The following LRIF1 variants were observed in gnomAD, a reference collection of about 807,000 sequenced individuals.
The protein encoded by LRIF1 is ligand-dependent nuclear receptor-interacting factor 1.
LRIF1 carries 32 observed loss-of-function variants against 52.7 expected under a neutral mutation model. The observed-to-expected ratio is 0.61, with a 90% CI of 0.46 to 0.82. LRIF1 has a LOEUF of 0.82. Among genes scored for constraint, LRIF1 ranks in the 40% least tolerant of loss-of-function variants. The probability of loss-of-function intolerance (pLI) is 0.00; values close to 1 mark genes in which losing one functional copy is unlikely to be tolerated. For missense variants in LRIF1, 887 were observed against 892.0 expected, an observed-to-expected ratio of 0.99 and a Z score of 0.07; for synonymous variants, 323 against 317.4, an observed-to-expected ratio of 1.02 and a Z score of -0.19.
rs773312467 is a variant in LRIF1 at position 110,951,660 on chromosome 1, G to A, written c.1224C>T (p.Ser408=). The change falls in exon 2 of 4, where the codon TCC becomes TCT. Residue 408 remains serine, a synonymous_variant. Coordinates refer to ENST00000369763, the MANE Select transcript of LRIF1 (RefSeq NM_018372.4). ...TVSSSPVTEI[S]REVVNIVLAK... ...CCAAAACAATATTTACAACCTCTCTGGATATTTCTGTGACTGGACTTGAAC... is the reference window on the plus strand; with the variant it reads ...CCAAAACAATATTTACAACCTCTCTAGATATTTCTGTGACTGGACTTGAAC... The A allele has an allele frequency of 1.2e-6, 2 of 1,614,020 alleles. No homozygotes were observed. Among genetic ancestry groups the A allele is most frequent in the South Asian group, 1.1e-5 (1 of 91,086 alleles).
chr1:110,898,080 T>C, the LRIF1 span, among the ~76,000 whole-genome samples: 1 of 152,172 alleles, frequency 6.6e-6, no homozygotes, highest in Non-Finnish European at 1.5e-5. Context: ...GAAAATGTGC[T>C]ATAAGAACAT....
the LRIF1 span, among the ~76,000 whole-genome samples, chr1:110,930,472 T>G: frequency 6.6e-6 from 1 of 152,186 alleles, no homozygotes; most frequent in Non-Finnish European, 1.5e-5. Flanking sequence ...TCTCACTGTT[T>G]CCTTACATGG....
chr1:110,960,828 T>G (rs1658919489), intron 1 of LRIF1, among the ~76,000 whole-genome samples: 1 of 152,202 alleles, frequency 6.6e-6, no homozygotes, highest in Non-Finnish European at 1.5e-5. Context: ...TCAGAATTTC[T>G]GAAAAGACAA....
the LRIF1 span, chr1:110,939,589 T>C: frequency 6.6e-6 from 1 of 152,104 alleles, no homozygotes; most frequent in South Asian, 2.1e-4. Context: ...CTTTAAATTA[T>C]GCCACAGAAC....
the LRIF1 span, among the ~76,000 whole-genome samples, chr1:110,911,116 A>G: frequency 6.6e-6 from 1 of 152,320 alleles, no homozygotes; most frequent in East Asian, 1.9e-4. Flanking sequence ...AGATTAATAA[A>G]TGAGAATAAG....
the LRIF1 span, among the ~76,000 whole-genome samples, chr1:110,886,865 A>T: frequency 8.6e-4 from 38 of 44,350 alleles, no homozygotes; most frequent in South Asian, 1.3e-3. Context: ...ATATATATAT[A>T]TATATTTTTT....
At chr1:110,931,205 A>G in the LRIF1 span, among the ~76,000 whole-genome samples, 2 of 152,034 alleles carry the variant, frequency 1.3e-5, no homozygotes, top group African/African-American at 4.8e-5. Flanking sequence ...TCGTTGTTCA[A>G]TTCCCACCTA....
downstream of LRIF1, among the ~76,000 whole-genome samples, chr1:110,942,949 T>C (rs779951474): frequency 2.6e-5 from 4 of 151,954 alleles, no homozygotes; most frequent in Non-Finnish European, 5.9e-5. Context: ...CATATAGATG[T>C]AAAATAAGAG....
chr1:110,931,482 T>A, the LRIF1 span, among the ~76,000 whole-genome samples: 36 of 152,332 alleles, frequency 2.4e-4, no homozygotes, highest in African/African-American at 8.7e-4. Flanking sequence ...TGATTTAAAA[T>A]CCTTTGGGTA....
At chr1:110,908,819 A>T in the LRIF1 span, among the ~76,000 whole-genome samples, 1 of 152,216 alleles carries the variant, frequency 6.6e-6, no homozygotes. Flanking sequence ...ATATTTAAGG[A>T]TATTGTCCAC....
At chr1:110,946,393 T>C (rs1037594157), downstream of LRIF1, among the ~76,000 whole-genome samples, 1 of 152,186 alleles carries the variant, frequency 6.6e-6, no homozygotes, top group Non-Finnish European at 1.5e-5. Flanking sequence ...GTTTTGAACA[T>C]TTTGAAAATG....
rs768144996 is a variant in LRIF1 at position 110,951,337 on chromosome 1, G to C, written c.1547C>G (p.Ala516Gly). ...ACACTGTTGTGAAGTAACAGTTGTT[G>C]CATCAACAGAGGAACTTATTTTCTC... The part of the protein sequence containing the change: ...SIEKISSSVD[A>G]TTVTSQQCVF... The change falls in exon 2 of 4, where the codon GCA becomes GGA. Residue 516 changes from alanine (A) to glycine (G), a missense_variant. Physicochemically the swap from Ala to Gly is moderately conservative, Grantham distance 60. Transcript: ENST00000369763. 13 of 1,613,948 alleles carry C rather than the reference G, an allele frequency of 8.1e-6. No individual in the cohort carries two copies. In the East Asian group the frequency reaches 1.8e-4, roughly 22 times the overall value.
chr1:110,931,955 T>A, the LRIF1 span, among the ~76,000 whole-genome samples: 3 of 152,170 alleles, frequency 2.0e-5, no homozygotes, highest in Non-Finnish European at 4.4e-5. Context: ...CTCTGATGAG[T>A]TTCTTTTGCT....
At chr1:110,958,136 T>C (rs1390300760) in intron 1 of LRIF1, among the ~76,000 whole-genome samples, 2 of 152,236 alleles carry the variant, frequency 1.3e-5, no homozygotes, top group South Asian at 2.1e-4. Context: ...GCGAAAATCA[T>C]CTACAATCTA....
the LRIF1 span, among the ~76,000 whole-genome samples, chr1:110,889,693 G>T: frequency 6.6e-6 from 1 of 152,166 alleles, no homozygotes; most frequent in Non-Finnish European, 1.5e-5. Flanking sequence ...TAAGGGATAA[G>T]TGTTGGCCCG....
downstream of LRIF1, among the ~76,000 whole-genome samples, chr1:110,946,198 T>C (rs1001911461): frequency 4.6e-5 from 7 of 152,180 alleles, no homozygotes; most frequent in African/African-American, 1.7e-4. Context: ...GGATAAACCT[T>C]GAAAACATTA....
chr1:110,917,478 A>ATTAGGGGCATAGGGTAT, the LRIF1 span, among the ~76,000 whole-genome samples: 7 of 152,326 alleles, frequency 4.6e-5, no homozygotes, highest in East Asian at 1.4e-3. Flanking sequence ...ACTGACCACA[A>ATTAGGGGCATAGGGTAT]TTAGGGGCAT....
chr1:110,940,819 A>G, the LRIF1 span: 1 of 152,158 alleles, frequency 6.6e-6, no homozygotes, highest in African/African-American at 2.4e-5. Flanking sequence ...TAGTTATCAG[A>G]GGCTGGGAAG....
At position 110,952,521 on chromosome 1, in the gene LRIF1, A is replaced by G. The variant is rs1285470493; in HGVS notation, c.363T>C (p.Thr121=). 6.2e-7 allele frequency: 1 copy of G among 1,613,950 alleles called. No homozygotes were observed. Among genetic ancestry groups the G allele is most frequent in the Admixed American group, 1.7e-5 (1 of 60,020 alleles). ...AAGAAAAATTTCCAGTTCCCACAGA[A>G]GTAACTCTACCTTTTTCTGATGTAT... is the stretch of plus-strand genomic sequence containing the variant. The part of the protein sequence containing the change: ...TVDTSEKGRV[T]SVGTGNFSSS... The change falls in exon 2 of 4, where the codon ACT becomes ACC. Residue 121 remains threonine, a synonymous_variant. Transcript: ENST00000369763.
Sources: gnomAD v4.1 joint callset for allele counts (sites outside exome capture counted in the v4.1 genomes callset) on GRCh38, gnomAD v4.1.1 for gene constraint, MANE v1.5 for transcripts, NCBI Gene and HGNC (gene_info 2026-07-23, HGNC 2026-07-21) for gene names.